The following ITGA11 variants were observed in gnomAD, a reference collection of about 807,000 sequenced individuals.
ITGA11 encodes integrin subunit alpha 11, also known as integrin alpha-11.
Under a neutral mutation model 141.9 loss-of-function variants are expected in ITGA11, and 97 were observed. The observed-to-expected ratio is 0.68, with a 90% CI of 0.58 to 0.81. ITGA11 has a LOEUF of 0.81. ITGA11 is among the 30% of genes least tolerant of loss of function. The pLI is 0.00. For synonymous variants in ITGA11, 658 were observed against 624.6 expected (o/e 1.05, Z -0.80); for missense variants, 1,387 against 1,559.2 (o/e 0.89, Z 1.86).
chr15:68,328,903 C>T lies in ITGA11; in HGVS notation c.1902-641G>A, dbSNP rs1046060998. Among the ~76,000 whole-genome samples the T allele has an allele frequency of 2.0e-5, 3 of 152,198 alleles. No homozygotes were observed. Among genetic ancestry groups the T allele is most frequent in the African/African-American group, 7.2e-5 (3 of 41,444 alleles). On this transcript the variant is annotated intron_variant, in intron 15 of 29. Coordinates refer to ENST00000315757, the MANE Select transcript of ITGA11 (RefSeq NM_001004439.2). The surrounding 1 kb of genome is among the most constrained non-coding windows in gnomAD (Gnocchi z 4.8). ...AGCCAGCATCCATCTAACCCCCACA[C>T]TACCCCATCCAGGTAACCAAGGAAA...
chr15:68,310,844 G>A (rs1011966247), intron 26 of ITGA11, 150 bp downstream of exon 26: 3 of 628,728 alleles, frequency 4.8e-6, no homozygotes, highest in Non-Finnish European at 8.5e-6. Flanking sequence ...TCCTCCTTCA[G>A]TTTTTTTCTT....
At position 68,332,014 on chromosome 15, in the gene ITGA11, T is replaced by C. The variant is rs565374014; in HGVS notation, c.1615A>G (p.Asn539Asp). The change falls in exon 14 of 30, where the codon AAT (asparagine) becomes GAT (aspartate). Residue 539 changes from asparagine (N) to aspartate (D), a missense_variant. Transcript: ENST00000315757. ...GCAATGGAGGACCCAAATCGGGCAT[T>C]CTGGTAACTGTGTGAATCCTTTAGC... ...GTLKDSHSYQ[N>D]ARFGSSIASV... The C allele has an allele frequency of 6.2e-6, 10 of 1,611,576 alleles. No individual in the cohort carries two copies. The highest frequency in any genetic ancestry group is 3.4e-5 in the Admixed American group (2 of 59,660).
intron 28 of ITGA11, among the ~76,000 whole-genome samples, chr15:68,306,022 T>TAA (rs34840804): frequency 0.33 from 41,502 of 127,520 alleles, 6,971 homozygotes; most frequent in African/African-American, 0.38. Flanking sequence ...CTGTCTCTAC[T>TAA]AAAAAAAAAA....
At chr15:68,345,747 A>C (rs935229874) in intron 10 of ITGA11, among the ~76,000 whole-genome samples, 31 of 152,134 alleles carry the variant, frequency 2.0e-4, no homozygotes, top group African/African-American at 7.2e-4. Context: ...GCTCAGGGCA[A>C]AGTGGAAAGG....
intron 2 of ITGA11, among the ~76,000 whole-genome samples, chr15:68,370,280 C>T (rs1472516672): frequency 6.6e-6 from 1 of 152,198 alleles, no homozygotes; most frequent in African/African-American, 2.4e-5. Flanking sequence ...AAGTGAGCAG[C>T]CACTCCTTCC....
chr15:68,371,829 A>T (rs113183462), intron 2 of ITGA11, among the ~76,000 whole-genome samples: 3,187 of 152,176 alleles, frequency 0.021, 71 homozygotes, highest in African/African-American at 0.05. Flanking sequence ...GCAGTGGCTG[A>T]GATGGGACAA....
In ITGA11 at chr15:68,326,252, C is replaced by A. The variant is rs546670533; in HGVS notation, c.2211+402G>T. On this transcript the variant is annotated intron_variant, in intron 17 of 29. Coordinates refer to ENST00000315757, the MANE Select transcript of ITGA11 (RefSeq NM_001004439.2). This position sits in a 1 kb window ranked among gnomAD's most constrained non-coding sequence, Gnocchi z 6.8. ...TACCCTACTTGTGACATCACTGGCG[C>A]CCCTCTCTGTCTCACCTCCTGTTTT... Among the ~76,000 whole-genome samples, 18 of 152,362 alleles carry A rather than the reference C, an allele frequency of 1.2e-4. No homozygotes were observed. The South Asian group carries it at 3.5e-3, about 30-fold the overall frequency.
At chr15:68,353,526 C>T (rs1027897228) in intron 7 of ITGA11, among the ~76,000 whole-genome samples, 2 of 152,068 alleles carry the variant, frequency 1.3e-5, no homozygotes, top group Admixed American at 6.5e-5. Flanking sequence ...TATATATGGA[C>T]CCAAGAAAAA....
At chr15:68,383,837 T>C (rs1182854816) in intron 2 of ITGA11, among the ~76,000 whole-genome samples, 2 of 152,154 alleles carry the variant, frequency 1.3e-5, no homozygotes, top group Non-Finnish European at 2.9e-5. Context: ...CAAATGGTGT[T>C]GGCTGCAGAA....
In ITGA11 at chr15:68,314,721, G is replaced by T. The variant is rs932436051; in HGVS notation, c.2793-853C>A. Among the ~76,000 whole-genome samples the T allele has an allele frequency of 3.9e-5, 6 of 152,174 alleles. No individual in the cohort carries two copies. In the East Asian group the frequency reaches 9.6e-4, roughly 24 times the overall value. On this transcript the variant is annotated intron_variant, in intron 22 of 29. Transcript: ENST00000315757. ...TAGAGCAGGGCAGAGAGCAAGGGAGGCCTTGCCAAGTTTGCCACGTGGTGT... is the reference window on the plus strand; with the variant it reads ...TAGAGCAGGGCAGAGAGCAAGGGAGTCCTTGCCAAGTTTGCCACGTGGTGT...
At position 68,307,732 on chromosome 15, in the gene ITGA11, G is replaced by A; in HGVS notation, c.3175-36C>T. 6.8e-7 allele frequency: 1 copy of A among 1,476,106 alleles called. No individual in the cohort carries two copies. The highest frequency in any genetic ancestry group is 9.4e-7 in the Non-Finnish European group (1 of 1,058,424). 91.4% of individuals were successfully genotyped at this position (1,476,106 alleles called of 1,614,324 possible). On this transcript the variant is annotated intron_variant, in intron 26 of 29. Transcript: ENST00000315757. The surrounding 1 kb of genome is among the most constrained non-coding windows in gnomAD (Gnocchi z 6.1). ...AGATGGGTCTCAGGGCTGAGCTGCT[G>A]GGCTAGGGGAGCAGGGGGCAGCAAC...
intron 8 of ITGA11, among the ~76,000 whole-genome samples, 196 bp downstream of exon 8, chr15:68,351,062 A>AC (rs1894895927): frequency 6.6e-6 from 1 of 152,136 alleles, no homozygotes; most frequent in African/African-American, 2.4e-5. Flanking sequence ...GGGAAACACA[A>AC]CCCGTAGCTT....
At chr15:68,349,720 T>C (rs1894846091) in intron 9 of ITGA11, among the ~76,000 whole-genome samples, 1 of 152,142 alleles carries the variant, frequency 6.6e-6, no homozygotes, top group Non-Finnish European at 1.5e-5. Context: ...TAGCAATTTA[T>C]GGTGGAAATG....
In ITGA11 at chr15:68,381,649, G is replaced by C. The variant is rs192381608; in HGVS notation, c.165-12365C>G. ...TGGCTCACTGCAACCTCCACCTCCCGGGCTCAAGCGATTCTCCTGCCTCAG... is the reference window on the plus strand; with the variant it reads ...TGGCTCACTGCAACCTCCACCTCCCCGGCTCAAGCGATTCTCCTGCCTCAG... On this transcript the variant is annotated intron_variant, in intron 2 of 29. Transcript: ENST00000315757. 2.3e-3 allele frequency among the ~76,000 whole-genome samples: 344 copies of C among 151,904 alleles called. 7 individuals are homozygous for C. The highest frequency in any genetic ancestry group is 7.9e-3 in the African/African-American group (329 of 41,386).
intron 1 of ITGA11, among the ~76,000 whole-genome samples, chr15:68,410,544 C>T (rs1896749928): frequency 6.6e-6 from 1 of 152,204 alleles, no homozygotes. Context: ...AAAAAAACAA[C>T]CCATTCAAAA....
rs1306024949 is a variant in ITGA11, at chr15:68,400,715, TATATTATATAATA to T, written c.164+2190_164+2202del. Among the ~76,000 whole-genome samples, 8 of 22,024 alleles carry T rather than the reference TATATTATATAATA, an allele frequency of 3.6e-4. 1 individual carries two copies. Among genetic ancestry groups the T allele is most frequent in the East Asian group, 0.011 (2 of 186 alleles). The allele number at this position is 22,024 out of a possible 152,430, so 14.4% of individuals were successfully genotyped here. ...ATTATATATTATATAATAAATATTATATATTATATAATAAATATTATATATTATATAATAAATA... is the reference window on the plus strand; with the variant it reads ...ATTATATATTATATAATAAATATTATAATATTATATATTATATAATAAATA... On this transcript the variant is annotated intron_variant, in intron 2 of 29. Coordinates refer to ENST00000315757, the MANE Select transcript of ITGA11 (RefSeq NM_001004439.2).
rs1408015844 is a variant in ITGA11, at chr15:68,325,311, G to T, written c.2212-70C>A. The T allele has an allele frequency of 3.7e-6, 4 of 1,069,756 alleles. No individual in the cohort carries two copies. In the East Asian group the frequency reaches 9.6e-5, roughly 26 times the overall value. The allele number at this position is 1,069,756 out of a possible 1,614,324, so 66.3% of individuals were successfully genotyped here. A position where few individuals can be genotyped will look rare whatever the true frequency, so the allele number is the denominator to read the frequency against. On this transcript the variant is annotated intron_variant, in intron 17 of 29. Transcript: ENST00000315757. The surrounding 1 kb of genome is among the most constrained non-coding windows in gnomAD (Gnocchi z 5.5). The stretch of plus-strand genomic sequence containing the variant: ...CATTTTATGAGCCAGGACCGTGGAT[G>T]CTGAGATAGAACTTCCACCTTCCTT...
chr15:68,310,648 C>T (rs935356731), intron 26 of ITGA11, among the ~76,000 whole-genome samples: 4 of 152,124 alleles, frequency 2.6e-5, no homozygotes, highest in South Asian at 2.1e-4. Flanking sequence ...TGTTTTCTTC[C>T]CCTTCCCTCT....
chr15:68,333,269 T>A lies in ITGA11; in HGVS notation c.1426-791A>T, dbSNP rs190814840. Among the ~76,000 whole-genome samples, 139 of 152,254 alleles carry A rather than the reference T, an allele frequency of 9.1e-4. No homozygotes were observed. Among genetic ancestry groups the A allele is most frequent in the Middle Eastern group, 3.4e-3 (1 of 294 alleles). On this transcript the variant is annotated intron_variant, in intron 12 of 29. Transcript: ENST00000315757. The surrounding 1 kb of genome is among the most constrained non-coding windows in gnomAD (Gnocchi z 4.2). ...CACTTACCACCGCTCCTGGCTGTTT[T>A]AAAAAATTATTTGTAGAGATGGGGT...
Sources: allele counts gnomAD v4.1 joint callset (sites outside exome capture counted in the v4.1 genomes callset), GRCh38; gene constraint gnomAD v4.1.1; non-coding constraint Gnocchi (gnomAD v3.1); transcripts MANE v1.5; gene names NCBI Gene and HGNC (gene_info 2026-07-23, HGNC 2026-07-21).